Variants in HMGXB4 observed in about 807,000 individuals in gnomAD.
HMGXB4 encodes the protein HMG domain-containing protein 4.
Under a neutral mutation model 63.9 loss-of-function variants are expected in HMGXB4, and 27 were observed. That is an observed-to-expected ratio of 0.42 (90% CI 0.31 to 0.58). HMGXB4 has a LOEUF of 0.58. Ranked by LOEUF, HMGXB4 falls within the 20% of genes least tolerant of loss-of-function variation. The probability of loss-of-function intolerance (pLI) is 0.13; values close to 1 mark genes in which losing one functional copy is unlikely to be tolerated. For missense variants in HMGXB4, 624 were observed against 700.7 expected, an observed-to-expected ratio of 0.89 and a Z score of 1.24; for synonymous variants, 264 against 265.3, an observed-to-expected ratio of 0.99 and a Z score of 0.05.
chr22:35,289,917 A>G (rs1924824581), intron 9 of HMGXB4, among the ~76,000 whole-genome samples: 2 of 152,232 alleles, frequency 1.3e-5, no homozygotes, highest in Non-Finnish European at 2.9e-5. Context: ...AAGCTAAGAA[A>G]TTAGTGTAGG....
At chr22:35,245,655 C>G in the HMGXB4 span, among the ~76,000 whole-genome samples, 1 of 152,148 alleles carries the variant, frequency 6.6e-6, no homozygotes, top group African/African-American at 2.4e-5. Context: ...GACTCTAGAT[C>G]TTACTTAAAC....
At chr22:35,285,675 A>G (rs1263132021) in intron 6 of HMGXB4, among the ~76,000 whole-genome samples, 2 of 152,354 alleles carry the variant, frequency 1.3e-5, no homozygotes, top group East Asian at 3.9e-4. Flanking sequence ...GCTGTGAGCC[A>G]TGATCACACC....
the HMGXB4 span, among the ~76,000 whole-genome samples, chr22:35,247,833 C>G: frequency 6.6e-6 from 1 of 152,098 alleles, no homozygotes. Context: ...CAAAGTCTCC[C>G]AAAGACATAA....
chr22:35,289,349 C>T lies in HMGXB4; in HGVS notation c.1638+942C>T, dbSNP rs962816341. 3.3e-5 allele frequency among the ~76,000 whole-genome samples: 5 copies of T among 152,136 alleles called. No homozygotes were observed. In the East Asian group the frequency reaches 9.7e-4, roughly 29 times the overall value. ...TGGTGCACACCTGTAGTCCCAGCTA[C>T]TCGGAAGGCTGAGGCAGATGGATTG... On this transcript the variant is annotated intron_variant, in intron 9 of 10. Transcript: ENST00000216106.
chr22:35,289,019 G>T (rs1212828517), intron 9 of HMGXB4, among the ~76,000 whole-genome samples: 2 of 151,720 alleles, frequency 1.3e-5, no homozygotes, highest in African/African-American at 4.8e-5. Context: ...ATGCACCTGT[G>T]GTCCCAGCTA....
chr22:35,247,549 C>T, the HMGXB4 span, among the ~76,000 whole-genome samples: 9 of 152,146 alleles, frequency 5.9e-5, no homozygotes, highest in African/African-American at 2.2e-4. Context: ...CTTTGGCCTC[C>T]CCAAACTCCC....
the HMGXB4 span, among the ~76,000 whole-genome samples, chr22:35,243,790 C>T: frequency 1.3e-5 from 2 of 152,152 alleles, no homozygotes; most frequent in Admixed American, 6.5e-5. Flanking sequence ...GTGAACCACC[C>T]ACCTTGGCCT....
intron 5 of HMGXB4, among the ~76,000 whole-genome samples, chr22:35,274,717 TTC>T (rs955428452): frequency 3.9e-5 from 6 of 152,258 alleles, no homozygotes; most frequent in Non-Finnish European, 7.3e-5. Context: ...TTAAATTATA[TTC>T]ATTGATGTGG....
rs531773342 is a variant in HMGXB4 at position 35,269,771 on chromosome 22, A to G, written c.1215+4168A>G. On this transcript the variant is annotated intron_variant, in intron 5 of 10. Coordinates refer to ENST00000216106, the MANE Select transcript of HMGXB4 (RefSeq NM_001003681.3). ...TCCAGAAGGTTAGTAATGAAAATCT[A>G]AGAGACAGGAGGATCGCTTGAGTCC... 8.7e-4 allele frequency among the ~76,000 whole-genome samples: 132 copies of G among 152,302 alleles called. 1 individual carries two copies. The highest frequency in any genetic ancestry group is 3.1e-3 in the African/African-American group (128 of 41,572).
Position 35,265,159 on chromosome 22 carries a change from C to T in HMGXB4, c.771C>T (p.Asp257=), listed in dbSNP as rs766230175. 2.0e-5 allele frequency: 32 copies of T among 1,613,996 alleles called. No homozygotes were observed. Among genetic ancestry groups the T allele is most frequent in the African/African-American group, 5.3e-5 (4 of 74,902 alleles). Residue 257 remains aspartate, a synonymous_variant, in exon 5 of 11, where the codon GAC becomes GAT. Transcript: ENST00000216106. ...TARKKHKSSS[D]AHSSPGPEGC... ...GGAAAAAGCACAAGTCATCCTCAGA[C>T]GCACATTCATCTCCTGGCCCTGAAG...
upstream of HMGXB4, chr22:35,257,333 G>A (rs909640815): frequency 1.1e-4 from 17 of 152,614 alleles, no homozygotes; most frequent in African/African-American, 4.1e-4. Context: ...GCAAGGCTGG[G>A]ACATAGCAAA....
chr22:35,257,876 C>T (rs1922537141), intron 1 of HMGXB4, among the ~76,000 whole-genome samples: 1 of 151,964 alleles, frequency 6.6e-6, no homozygotes, highest in Non-Finnish European at 1.5e-5. Context: ...CTCCCCCTGC[C>T]CGGGCCGTCT....
upstream of HMGXB4, among the ~76,000 whole-genome samples, chr22:35,256,945 A>AC (rs1922442323): frequency 1.3e-5 from 2 of 152,266 alleles, no homozygotes; most frequent in Non-Finnish European, 2.9e-5. Context: ...CTAACTAAAA[A>AC]ATGTAGATGA....
intron 5 of HMGXB4, among the ~76,000 whole-genome samples, chr22:35,267,767 T>G (rs1923350151): frequency 6.6e-6 from 1 of 152,194 alleles, no homozygotes; most frequent in Non-Finnish European, 1.5e-5. Flanking sequence ...CTGTATCTCC[T>G]CCACCAGGAG....
At chr22:35,279,381 C>T (rs746951521) in intron 5 of HMGXB4, among the ~76,000 whole-genome samples, 1 of 151,876 alleles carries the variant, frequency 6.6e-6, no homozygotes, top group Non-Finnish European at 1.5e-5. Flanking sequence ...TCAGATGATC[C>T]GCCCACCTCG....
upstream of HMGXB4, among the ~76,000 whole-genome samples, chr22:35,253,093 C>G (rs1922253077): frequency 7.0e-6 from 1 of 143,842 alleles, no homozygotes; most frequent in African/African-American, 2.6e-5. Context: ...GGTCATGCCA[C>G]TGCACTCCAG....
the HMGXB4 span, among the ~76,000 whole-genome samples, chr22:35,252,249 G>A: frequency 1.3e-5 from 2 of 152,108 alleles, no homozygotes; most frequent in Non-Finnish European, 2.9e-5. Context: ...CACTAAACAC[G>A]AGATCTGCCT....
the HMGXB4 span, among the ~76,000 whole-genome samples, chr22:35,242,792 G>A: frequency 1.3e-5 from 2 of 152,032 alleles, no homozygotes; most frequent in Non-Finnish European, 2.9e-5. Flanking sequence ...CTTTAGCTGT[G>A]TCCCATAAAT....
intron 9 of HMGXB4, among the ~76,000 whole-genome samples, chr22:35,290,630 CA>C (rs767279436): frequency 0.041 from 2,153 of 52,852 alleles, 23 homozygotes; most frequent in African/African-American, 0.12. Flanking sequence ...GACTCCGCCT[CA>C]AAAAAAAAAA....
Sources: gnomAD v4.1 joint callset for allele counts (sites outside exome capture counted in the v4.1 genomes callset) on GRCh38, gnomAD v4.1.1 for gene constraint, MANE v1.5 for transcripts, NCBI Gene and HGNC (gene_info 2026-07-23, HGNC 2026-07-21) for gene names.